The following AOPEP variants were observed in gnomAD, a reference collection of about 807,000 sequenced individuals.
AOPEP encodes aminopeptidase O.
AOPEP carries 77 observed loss-of-function variants against 98.1 expected under a neutral mutation model. That is an observed-to-expected ratio of 0.78 (90% confidence interval 0.65 to 0.95). AOPEP has a LOEUF of 0.95. AOPEP is among the 40% of genes least tolerant of loss of function. The pLI is 0.00. For synonymous variants in AOPEP, 346 were observed against 365.3 expected (o/e 0.95, Z 0.60); for missense variants, 1,024 against 1,024.7 (o/e 1.00, Z 0.01).
At chr9:94,828,757 A>AAT (rs962402197) in intron 5 of AOPEP, among the ~76,000 whole-genome samples, 76 of 151,052 alleles carry the variant, frequency 5.0e-4, no homozygotes, top group Middle Eastern at 3.5e-3. Flanking sequence ...ACACACACAC[A>AAT]ATATATATAT....
At chr9:95,125,521 G>T in the AOPEP span, among the ~76,000 whole-genome samples, 1 of 152,128 alleles carries the variant, frequency 6.6e-6, no homozygotes, top group Admixed American at 6.5e-5. Flanking sequence ...TTCACAAGTG[G>T]AGACGAAGCT....
chr9:95,126,578 G>C, the AOPEP span: 2 of 1,614,048 alleles, frequency 1.2e-6, no homozygotes, highest in Non-Finnish European at 1.7e-6. Context: ...CAGGCTGCTT[G>C]AGGCTGTAAA....
chr9:95,125,627 A>C, the AOPEP span, among the ~76,000 whole-genome samples: 52 of 152,326 alleles, frequency 3.4e-4, no homozygotes, highest in African/African-American at 1.3e-3. Flanking sequence ...TTGTACAATT[A>C]ATTTTTCTTT....
intron 3 of AOPEP, among the ~76,000 whole-genome samples, chr9:94,778,666 G>A (rs1842682327): frequency 6.6e-6 from 1 of 152,130 alleles, no homozygotes; most frequent in Admixed American, 6.5e-5. Flanking sequence ...TAATGGAAAT[G>A]TTCATGGGGG....
At chr9:94,752,540 A>G (rs971289091) in intron 1 of AOPEP, among the ~76,000 whole-genome samples, 1 of 152,246 alleles carries the variant, frequency 6.6e-6, no homozygotes, top group African/African-American at 2.4e-5. Context: ...CAAAAGTTCT[A>G]CACTTAGTTA....
chr9:95,074,492 G>A (rs1370838696), intron 14 of AOPEP, among the ~76,000 whole-genome samples: 1 of 152,198 alleles, frequency 6.6e-6, no homozygotes, highest in Non-Finnish European at 1.5e-5. Context: ...GGAAAGTGCT[G>A]AATCCCTTTC....
chr9:95,042,641 A>T (rs950214706), intron 13 of AOPEP, among the ~76,000 whole-genome samples: 7 of 152,024 alleles, frequency 4.6e-5, no homozygotes, highest in Non-Finnish European at 1.0e-4. Context: ...AGCTTTTAGG[A>T]TTGCCTGTAT....
At chr9:94,749,153 ATTAC>A (rs1302648905) in intron 1 of AOPEP, among the ~76,000 whole-genome samples, 1 of 152,224 alleles carries the variant, frequency 6.6e-6, no homozygotes, top group African/African-American at 2.4e-5. Flanking sequence ...TAAACAAATG[ATTAC>A]TTATTCAATT....
chr9:94,803,458 A>G (rs759667799), intron 5 of AOPEP, among the ~76,000 whole-genome samples: 7 of 152,208 alleles, frequency 4.6e-5, no homozygotes, highest in Non-Finnish European at 1.0e-4. Flanking sequence ...TGATTTCACT[A>G]TTTTGAATAT....
At chr9:94,989,803 G>A (rs568578298) in intron 11 of AOPEP, among the ~76,000 whole-genome samples, 22 of 147,498 alleles carry the variant, frequency 1.5e-4, no homozygotes, top group African/African-American at 5.5e-4. Flanking sequence ...TAGCGACAGG[G>A]TTTCACCATA....
intron 3 of AOPEP, among the ~76,000 whole-genome samples, chr9:94,777,387 G>A (rs1052362467): frequency 6.6e-6 from 1 of 150,562 alleles, no homozygotes; most frequent in Admixed American, 6.6e-5. Context: ...AGCTGAGATC[G>A]TGCCACTGCA....
intron 2 of AOPEP, among the ~76,000 whole-genome samples, chr9:94,761,812 C>T (rs1057280596): frequency 2.0e-5 from 3 of 152,104 alleles, no homozygotes; most frequent in African/African-American, 7.2e-5. Context: ...TATAGAATAC[C>T]TTATTAGATA....
intron 1 of AOPEP, among the ~76,000 whole-genome samples, chr9:94,751,714 T>C (rs1301632580): frequency 1.3e-5 from 2 of 152,052 alleles, no homozygotes; most frequent in African/African-American, 2.4e-5. Context: ...TCTAATGTTA[T>C]ACAATGAAGA....
chr9:94,838,253 C>T (rs1253489054), intron 5 of AOPEP, among the ~76,000 whole-genome samples: 1 of 152,176 alleles, frequency 6.6e-6, no homozygotes, highest in African/African-American at 2.4e-5. Context: ...TTGTGATCTG[C>T]CTGCCTCGGC....
intron 1 of AOPEP, among the ~76,000 whole-genome samples, chr9:94,727,210 T>G (rs950826636): frequency 6.6e-6 from 1 of 152,240 alleles, no homozygotes; most frequent in Non-Finnish European, 1.5e-5. Context: ...GGATCTTTAC[T>G]GAGAGCACCA....
intron 5 of AOPEP, among the ~76,000 whole-genome samples, chr9:94,880,671 T>G (rs894426): frequency 6.6e-6 from 1 of 152,164 alleles, no homozygotes; most frequent in Non-Finnish European, 1.5e-5. Flanking sequence ...GTTTCCATAA[T>G]GTGCCAAAAT....
chr9:95,090,551 T>C (rs1301675462), downstream of AOPEP, among the ~76,000 whole-genome samples: 1 of 151,290 alleles, frequency 6.6e-6, no homozygotes, highest in African/African-American at 2.4e-5. Context: ...GGCCCCCCCT[T>C]CGAAGGGAGG....
downstream of AOPEP, among the ~76,000 whole-genome samples, chr9:95,092,082 G>A (rs1178451595): frequency 2.0e-3 from 283 of 138,420 alleles, no homozygotes; most frequent in Non-Finnish European, 3.3e-3. Context: ...GTGTGTGTGT[G>A]CACACACACA....
chr9:94,982,378 T>A (rs2060237347), intron 11 of AOPEP, among the ~76,000 whole-genome samples: 7 of 152,086 alleles, frequency 4.6e-5, no homozygotes, highest in Admixed American at 4.6e-4. Flanking sequence ...CAGTCATACC[T>A]CCAGAGATCA....
Sources: gnomAD v4.1 joint callset for allele counts (sites outside exome capture counted in the v4.1 genomes callset) on GRCh38, gnomAD v4.1.1 for gene constraint, MANE v1.5 for transcripts, NCBI Gene and HGNC (gene_info 2026-07-23, HGNC 2026-07-21) for gene names.